Variants in ACVR1 observed in about 807,000 individuals in gnomAD.
ACVR1 encodes activin A receptor type 1.
A neutral mutation model predicts 57.1 loss-of-function variants in ACVR1; 38 were observed. That is an observed-to-expected ratio of 0.67 (90% CI 0.51 to 0.87). The LOEUF is 0.87. ACVR1 is among the 40% of genes least tolerant of loss of function. ACVR1 has a pLI of 0.00. For missense variants in ACVR1, 463 were observed against 638.2 expected, an observed-to-expected ratio of 0.73 and a Z score of 2.96; for synonymous variants, 212 against 228.1, an observed-to-expected ratio of 0.93 and a Z score of 0.63.
intron 3 of ACVR1, among the ~76,000 whole-genome samples, chr2:157,784,295 A>C (rs1686631680): frequency 6.6e-6 from 1 of 152,192 alleles, no homozygotes; most frequent in Non-Finnish European, 1.5e-5. Context: ...AATACAGTAC[A>C]CATCAAGGAA....
intron 1 of ACVR1, among the ~76,000 whole-genome samples, chr2:157,821,942 C>T (rs987218656): frequency 6.6e-6 from 1 of 152,100 alleles, no homozygotes; most frequent in African/African-American, 2.4e-5. Flanking sequence ...CAAACAAGCT[C>T]TTGGCAGTCC....
intron 9 of ACVR1, among the ~76,000 whole-genome samples, chr2:157,749,051 T>C (rs1479497081): frequency 6.6e-6 from 1 of 152,246 alleles, no homozygotes; most frequent in African/African-American, 2.4e-5. Context: ...CATTTTCTTC[T>C]GTTTTCCTGG....
chr2:157,799,606 A>G, intron 2 of ACVR1, 106 bp from the exon 3 acceptor site: 1 of 814,896 alleles, frequency 1.2e-6, no homozygotes, highest in Non-Finnish European at 2.1e-6. Flanking sequence ...CTTCTTACTA[A>G]TCACCCTCAG....
intron 1 of ACVR1, among the ~76,000 whole-genome samples, chr2:157,841,872 A>T (rs188563062): frequency 0.01 from 1,575 of 152,050 alleles, 16 homozygotes; most frequent in Non-Finnish European, 0.015. Flanking sequence ...AAATATTTTT[A>T]AAAAATTAGC....
At chr2:157,835,302 C>T (rs1290347688) in intron 1 of ACVR1, among the ~76,000 whole-genome samples, 2 of 152,110 alleles carry the variant, frequency 1.3e-5, no homozygotes, top group East Asian at 1.9e-4. Flanking sequence ...CTTAATGTGC[C>T]TCATTCCCTT....
intron 9 of ACVR1, among the ~76,000 whole-genome samples, chr2:157,756,213 A>G (rs548462395): frequency 2.0e-4 from 31 of 152,222 alleles, no homozygotes; most frequent in African/African-American, 7.2e-4. Context: ...TAAACATTCT[A>G]GAAGATAACA....
chr2:157,746,198 G>A (rs1684957004), intron 9 of ACVR1, among the ~76,000 whole-genome samples: 1 of 152,140 alleles, frequency 6.6e-6, no homozygotes, highest in Non-Finnish European at 1.5e-5. Flanking sequence ...AAGCTCCTGG[G>A]TGGCCTTCAT....
At chr2:157,760,143 A>C (rs1036076027) in intron 9 of ACVR1, among the ~76,000 whole-genome samples, 2 of 152,140 alleles carry the variant, frequency 1.3e-5, no homozygotes, top group African/African-American at 4.8e-5. Context: ...ATGTGGAAAA[A>C]GGGAAGTCAA....
chr2:157,857,338 A>G (rs1386083527), intron 1 of ACVR1, among the ~76,000 whole-genome samples: 1 of 151,982 alleles, frequency 6.6e-6, no homozygotes, highest in Admixed American at 6.6e-5. Flanking sequence ...CATCTCCGAC[A>G]CCCACGGTCT....
chr2:157,775,550 G>C (rs984543559), intron 5 of ACVR1, among the ~76,000 whole-genome samples: 1 of 152,146 alleles, frequency 6.6e-6, no homozygotes, highest in African/African-American at 2.4e-5. Flanking sequence ...GTGAAGTACT[G>C]TTGATCGGCA....
At chr2:157,762,236 A>C (rs1685686552) in intron 8 of ACVR1, among the ~76,000 whole-genome samples, 1 of 152,236 alleles carries the variant, frequency 6.6e-6, no homozygotes, top group South Asian at 2.1e-4. Context: ...TAAGTACAGT[A>C]CAATTAAGTA....
chr2:157,833,800 G>C (rs913398095), intron 1 of ACVR1, among the ~76,000 whole-genome samples: 1 of 152,114 alleles, frequency 6.6e-6, no homozygotes, highest in Non-Finnish European at 1.5e-5. Context: ...GCTAGCTCCT[G>C]TTAGTTTTAA....
intron 1 of ACVR1, among the ~76,000 whole-genome samples, chr2:157,851,444 A>G (rs1021362195): frequency 6.6e-6 from 1 of 152,152 alleles, no homozygotes; most frequent in Non-Finnish European, 1.5e-5. Context: ...TAAAGACTCA[A>G]TCAAACAGAA....
intron 1 of ACVR1, among the ~76,000 whole-genome samples, chr2:157,824,029 G>C (rs1688248848): frequency 6.6e-6 from 1 of 152,212 alleles, no homozygotes; most frequent in African/African-American, 2.4e-5. Flanking sequence ...ATGGCACTCA[G>C]TGGATGCTAA....
chr2:157,764,171 A>G (rs962404379), intron 8 of ACVR1, among the ~76,000 whole-genome samples: 2 of 151,912 alleles, frequency 1.3e-5, no homozygotes, highest in Admixed American at 6.6e-5. Context: ...CATGAGTAAT[A>G]TATGATCACA....
chr2:157,811,153 A>C (rs1016565008), intron 2 of ACVR1, among the ~76,000 whole-genome samples: 1 of 77,968 alleles, frequency 1.3e-5, no homozygotes, highest in Admixed American at 1.7e-4. Flanking sequence ...ACTCTCAGGT[A>C]TCTTTACTTT....
chr2:157,837,801 A>AAGG (rs759602249), intron 1 of ACVR1, among the ~76,000 whole-genome samples: 4 of 151,824 alleles, frequency 2.6e-5, no homozygotes, highest in Non-Finnish European at 4.4e-5. Context: ...GTAGGAGGAG[A>AAGG]AGGAGGAGGA....
intron 3 of ACVR1, among the ~76,000 whole-genome samples, chr2:157,792,593 A>C (rs1429222258): frequency 1.3e-5 from 2 of 152,236 alleles, no homozygotes; most frequent in Admixed American, 1.3e-4. Flanking sequence ...GAACCCTTGA[A>C]GCAGACTGGT....
At chr2:157,869,634 A>C (rs772139679) in intron 1 of ACVR1, among the ~76,000 whole-genome samples, 7 of 152,244 alleles carry the variant, frequency 4.6e-5, no homozygotes, top group Non-Finnish European at 7.3e-5. Flanking sequence ...TGAGTGTTAA[A>C]ATGTTTTAAA....
Sources: allele counts gnomAD v4.1 joint callset (sites outside exome capture counted in the v4.1 genomes callset), GRCh38; gene constraint gnomAD v4.1.1; transcripts MANE v1.5; gene names NCBI Gene and HGNC (gene_info 2026-07-23, HGNC 2026-07-21).